TSEN15: variants seen among roughly 807,000 people sequenced by gnomAD.
TSEN15 encodes tRNA-splicing endonuclease subunit Sen15.
In TSEN15, 10 loss-of-function variants were observed where a neutral mutation model predicts 20.5. The observed-to-expected ratio is 0.49, with a 90% confidence interval of 0.30 to 0.83. TSEN15 has a LOEUF of 0.83. TSEN15 is among the 40% of genes least tolerant of loss of function. TSEN15 has a pLI of 0.06. For missense variants in TSEN15, 180 were observed against 218.6 expected (o/e 0.82, Z 1.11); for synonymous variants, 72 against 80.1 (o/e 0.90, Z 0.54).
chr1:184,091,385 T>C (rs1171245732), intron 3 of TSEN15, among the ~76,000 whole-genome samples: 2 of 151,966 alleles, frequency 1.3e-5, no homozygotes, highest in Non-Finnish European at 2.9e-5. Flanking sequence ...AATTGATATA[T>C]ATATATTTAG....
At chr1:184,070,668 T>A in intron 3 of TSEN15, 4 of 1,290,470 alleles carry the variant, frequency 3.1e-6, no homozygotes, top group Non-Finnish European at 3.1e-6. Context: ...ATTAAAAGAT[T>A]TGCATTGAAG....
chr1:184,095,947 A>G (rs1651441983), exon 4 of TSEN15: 6 of 387,280 alleles, frequency 1.5e-5, no homozygotes, highest in Non-Finnish European at 2.7e-5. Flanking sequence ...TTGTAATAAT[A>G]CCATATAAAT....
intron 3 of TSEN15, chr1:184,058,232 G>C (rs1650317348): frequency 2.4e-6 from 1 of 421,042 alleles, no homozygotes; most frequent in African/African-American, 2.1e-5. Flanking sequence ...TAGTTGGAAT[G>C]ATAACTTGGT....
chr1:184,062,696 A>G (rs1233108821), intron 3 of TSEN15, among the ~76,000 whole-genome samples: 2 of 152,074 alleles, frequency 1.3e-5, no homozygotes, highest in Non-Finnish European at 2.9e-5. Context: ...GACTCAAATT[A>G]TAAGGGAACA....
chr1:184,095,890 G>A (rs1470405480), exon 4 of TSEN15: 5 of 396,352 alleles, frequency 1.3e-5, no homozygotes, highest in Non-Finnish European at 1.8e-5. Context: ...GCAAACTAAC[G>A]TAAAATGCTT....
chr1:184,059,923 C>G (rs1260512721), intron 3 of TSEN15, among the ~76,000 whole-genome samples: 3 of 152,182 alleles, frequency 2.0e-5, no homozygotes, highest in Non-Finnish European at 4.4e-5. Context: ...AGGATTATTA[C>G]CAGTTTACAC....
intron 3 of TSEN15, among the ~76,000 whole-genome samples, chr1:184,090,401 C>G (rs1651336623): frequency 6.6e-6 from 1 of 152,016 alleles, no homozygotes; most frequent in Non-Finnish European, 1.5e-5. Context: ...GGTGGTGTTT[C>G]CATGTCTGGT....
chr1:184,095,226 A>G (rs570590694), intron 3 of TSEN15: 33 of 397,256 alleles, frequency 8.3e-5, no homozygotes, highest in African/African-American at 5.7e-4. Flanking sequence ...TGACACTGCT[A>G]TGAGCAACCC....
chr1:184,095,416 G>A (rs979741303), intron 3 of TSEN15: 2 of 380,248 alleles, frequency 5.3e-6, no homozygotes, highest in Non-Finnish European at 4.6e-6. Flanking sequence ...TGAGGACTCA[G>A]TAAGGTTCTT....
downstream of TSEN15, among the ~76,000 whole-genome samples, chr1:184,074,619 A>G (rs1651022339): frequency 6.6e-6 from 1 of 152,126 alleles, no homozygotes; most frequent in Admixed American, 6.6e-5. Context: ...CATACATCCC[A>G]TCACCTTTGC....
chr1:184,052,021 GTGTGCACAAC>G, intron 1 of TSEN15, 131 bp downstream of exon 1: 1 of 1,005,698 alleles, frequency 9.9e-7, no homozygotes, highest in Non-Finnish European at 1.3e-6. Flanking sequence ...AGGGGGACCG[GTGTGCACAAC>G]TGCCAGCCTC....
intron 3 of TSEN15, among the ~76,000 whole-genome samples, chr1:184,058,901 A>G (rs1411892624): frequency 2.6e-5 from 4 of 152,146 alleles, no homozygotes; most frequent in Non-Finnish European, 5.9e-5. Flanking sequence ...TTTTGGTCTT[A>G]ACAATTATTT....
At chr1:184,084,321 T>G (rs1266970813) in intron 3 of TSEN15, among the ~76,000 whole-genome samples, 1 of 151,980 alleles carries the variant, frequency 6.6e-6, no homozygotes, top group Non-Finnish European at 1.5e-5. Context: ...AGGACCTAGA[T>G]GTTTAGCAGG....
intron 3 of TSEN15, among the ~76,000 whole-genome samples, chr1:184,068,680 C>T (rs1267104656): frequency 6.6e-6 from 1 of 152,126 alleles, no homozygotes; most frequent in Non-Finnish European, 1.5e-5. Context: ...ATCCCTGAAA[C>T]TTTTCTTTGG....
rs865833942 is a variant in TSEN15 at position 184,051,882 on chromosome 1, C to A, written c.127C>A (p.His43Asn). The change falls in exon 1 of 5, where the codon CAC becomes AAC. Residue 43 changes from histidine to asparagine, a missense_variant. His to Asn is a moderately conservative substitution (Grantham distance 68). Around this residue, in one of 3 missense-constraint regions of TSEN15, gnomAD observed 76 missense variants for 66.5 expected, o/e 1.14. Coordinates refer to ENST00000645668, the MANE Select transcript of TSEN15 (RefSeq NM_052965.4). The stretch of plus-strand genomic sequence containing the variant: ...CCCTGAGGACGCCTGGATGGGCACT[C>A]ACCCTAAGGTCAGGAGGCGCGAGAG... The part of the protein sequence containing the change: ...WAPEDAWMGT[H>N]PKYLEMMELD... 6.4e-7 allele frequency: 1 copy of A among 1,551,326 alleles called. No homozygotes were observed. Among genetic ancestry groups the A allele is most frequent in the Non-Finnish European group, 8.7e-7 (1 of 1,148,412 alleles).
At chr1:184,066,334 A>G (rs997881547) in intron 3 of TSEN15, among the ~76,000 whole-genome samples, 14 of 151,656 alleles carry the variant, frequency 9.2e-5, no homozygotes, top group African/African-American at 3.2e-4. Context: ...CCATTGACCT[A>G]TTCATCTATT....
chr1:184,082,185 G>A (rs1472271292), intron 3 of TSEN15, among the ~76,000 whole-genome samples: 1 of 152,144 alleles, frequency 6.6e-6, no homozygotes, highest in African/African-American at 2.4e-5. Flanking sequence ...CAGAGAGAGA[G>A]CTGGGGGACA....
intron 3 of TSEN15, among the ~76,000 whole-genome samples, chr1:184,092,366 A>G (rs1651376043): frequency 1.3e-5 from 2 of 152,234 alleles, no homozygotes; most frequent in South Asian, 2.1e-4. Flanking sequence ...CAGACTAGGA[A>G]ATAAGTAGGG....
In TSEN15 at chr1:184,089,928, T is replaced by C. The variant is rs575114961; in HGVS notation, c.354-5762T>C. 2.6e-5 allele frequency among the ~76,000 whole-genome samples: 4 copies of C among 152,230 alleles called. No homozygotes were observed. The East Asian group carries it at 7.7e-4, about 29-fold the overall frequency. On this transcript the variant is annotated intron_variant, in intron 3 of 3. Coordinates refer to the TSEN15 transcript ENST00000643231. ...TCCTGTGGGGCAGAGTTGCTATAGA[T>C]TGATGACACTCTAGGACACTGGACC... is the stretch of plus-strand genomic sequence containing the variant.
Sources: gnomAD v4.1 joint callset for allele counts (sites outside exome capture counted in the v4.1 genomes callset) on GRCh38, gnomAD v4.1.1 for gene constraint, gnomAD v4.1.1 regional missense constraint, MANE v1.5 for transcripts, NCBI Gene and HGNC (gene_info 2026-07-23, HGNC 2026-07-21) for gene names.